The following GRAMD2B variants were observed in gnomAD, a reference collection of about 807,000 sequenced individuals.
GRAMD2B encodes the protein GRAM domain containing 2B.
GRAMD2B carries 41 observed loss-of-function variants against 59.2 expected under a neutral mutation model. That is an observed-to-expected ratio of 0.69 (90% CI 0.54 to 0.90). The LOEUF is 0.90. Among genes scored for constraint, GRAMD2B ranks in the 40% least tolerant of loss-of-function variants. GRAMD2B has a pLI of 0.00. For synonymous variants in GRAMD2B, 161 were observed against 182.7 expected, an observed-to-expected ratio of 0.88 and a Z score of 0.96; for missense variants, 424 against 500.5, an observed-to-expected ratio of 0.85 and a Z score of 1.46.
Position 126,493,265 on chromosome 5 carries a change from G to C in GRAMD2B, c.*309G>C. 1 of 334,150 alleles carries C rather than the reference G, an allele frequency of 3.0e-6. No individual in the cohort carries two copies. Among genetic ancestry groups the C allele is most frequent in the Non-Finnish European group, 5.6e-6 (1 of 179,240 alleles). 20.7% of individuals were successfully genotyped at this position (334,150 alleles called of 1,614,324 possible). A position where few individuals can be genotyped will look rare whatever the true frequency, so the allele number is the denominator to read the frequency against. ...TCTCTTGGATAATTACCACGATGGC[G>C]TCAGCAAACACTCCACCCTGTGCCT... On this transcript the variant is annotated 3_prime_UTR_variant, in exon 14 of 14. Transcript: ENST00000285689.
upstream of GRAMD2B, among the ~76,000 whole-genome samples, chr5:126,367,153 G>A (rs1449800467): frequency 6.7e-6 from 1 of 150,270 alleles, no homozygotes; most frequent in African/African-American, 2.5e-5. Flanking sequence ...CACCACACCC[G>A]GCCCAGACCA....
intron 1 of GRAMD2B, among the ~76,000 whole-genome samples, chr5:126,392,496 G>C (rs1287381237): frequency 2.6e-5 from 4 of 152,056 alleles, no homozygotes; most frequent in African/African-American, 9.7e-5. Flanking sequence ...TGTATTGGAG[G>C]CTGGTCACAC....
Position 126,423,489 on chromosome 5 carries a change from TGCAGGGGAGG to T in GRAMD2B, c.-114_-105del. On this transcript the variant is annotated 5_prime_UTR_variant, in exon 1 of 14. The change creates a premature stop within an existing upstream ORF in the 5' untranslated region. Coordinates refer to ENST00000285689, the MANE Select transcript of GRAMD2B (RefSeq NM_023927.4). Reference sequence around the variant, plus strand: ...CGGCCTGGATGCGCTGGGCGGAGGGTGCAGGGGAGGGCACGGCGCCGCTTGCTTGGCCTGC... The same window carrying T: ...CGGCCTGGATGCGCTGGGCGGAGGGTGCACGGCGCCGCTTGCTTGGCCTGC... The T allele has an allele frequency of 6.6e-7, 1 of 1,519,170 alleles. No homozygotes were observed. The highest frequency in any genetic ancestry group is 8.8e-7 in the Non-Finnish European group (1 of 1,136,502). The allele number at this position is 1,519,170 out of a possible 1,614,324, so 94.1% of individuals were successfully genotyped here.
intron 1 of GRAMD2B, among the ~76,000 whole-genome samples, chr5:126,376,942 G>A (rs1448048645): frequency 6.6e-6 from 1 of 151,848 alleles, no homozygotes; most frequent in Non-Finnish European, 1.5e-5. Flanking sequence ...CATGGCTATG[G>A]AAGTTAAAAT....
In GRAMD2B at chr5:126,481,221, A is replaced by G. The variant is rs917956942; in HGVS notation, c.735+514A>G. 6.2e-4 allele frequency among the ~76,000 whole-genome samples: 22 copies of G among 35,352 alleles called. 1 individual carries two copies. Among genetic ancestry groups the G allele is most frequent in the African/African-American group, 8.7e-4 (5 of 5,748 alleles). The allele number at this position is 35,352 out of a possible 152,430, so 23.2% of individuals were successfully genotyped here. On this transcript the variant is annotated intron_variant, in intron 8 of 13. Coordinates refer to ENST00000285689, the MANE Select transcript of GRAMD2B (RefSeq NM_023927.4). ...AAAAAAAAAAAGAAAGAAAGAAAGA[A>G]AGAAAGAAAGAAAGAAAGAAAGAAA...
chr5:126,409,139 G>A (rs1003244123), intron 1 of GRAMD2B, among the ~76,000 whole-genome samples: 169 of 151,892 alleles, frequency 1.1e-3, no homozygotes, highest in African/African-American at 3.8e-3. Context: ...GAATAGTGCC[G>A]CAATAAACAC....
At chr5:126,394,857 G>GT (rs1363523699) in intron 1 of GRAMD2B, among the ~76,000 whole-genome samples, 17 of 152,120 alleles carry the variant, frequency 1.1e-4, no homozygotes, top group Non-Finnish European at 2.1e-4. Context: ...CCATAAATAT[G>GT]TTTTTTTTCT....
intron 1 of GRAMD2B, among the ~76,000 whole-genome samples, chr5:126,441,720 ATAGT>A (rs1427161853): frequency 1.3e-5 from 2 of 152,188 alleles, no homozygotes; most frequent in Admixed American, 6.5e-5. Context: ...AACAGATAAT[ATAGT>A]TTTAATTCTA....
At chr5:126,376,653 A>G (rs1755214868) in intron 1 of GRAMD2B, among the ~76,000 whole-genome samples, 1 of 152,212 alleles carries the variant, frequency 6.6e-6, no homozygotes, top group East Asian at 1.9e-4. Flanking sequence ...GCGCCTGTTC[A>G]CAAGACTGCT....
At chr5:126,431,107 C>A (rs1761498677) in intron 1 of GRAMD2B, among the ~76,000 whole-genome samples, 1 of 152,152 alleles carries the variant, frequency 6.6e-6, no homozygotes, top group Non-Finnish European at 1.5e-5. Context: ...GTTAACACTT[C>A]CCAACGTTTT....
At chr5:126,397,654 T>G (rs1757474526) in intron 1 of GRAMD2B, among the ~76,000 whole-genome samples, 1 of 152,230 alleles carries the variant, frequency 6.6e-6, no homozygotes, top group Non-Finnish European at 1.5e-5. Flanking sequence ...TTCTTTCATT[T>G]TGTTAATGTG....
intron 13 of GRAMD2B, among the ~76,000 whole-genome samples, chr5:126,491,173 G>A (rs768103099): frequency 1.1e-4 from 16 of 152,118 alleles, no homozygotes; most frequent in Non-Finnish European, 2.2e-4. Context: ...TTTTGTGTGT[G>A]TGTCATCGTA....
At chr5:126,402,317 G>A (rs1305071340) in intron 1 of GRAMD2B, among the ~76,000 whole-genome samples, 1 of 152,076 alleles carries the variant, frequency 6.6e-6, no homozygotes, top group Admixed American at 6.6e-5. Flanking sequence ...AATGCAGAAA[G>A]CCTGGCTTAC....
chr5:126,465,109 CCCAGCCT>C, intron 1 of GRAMD2B: 2 of 1,193,460 alleles, frequency 1.7e-6, no homozygotes, highest in South Asian at 4.8e-5. Flanking sequence ...GCAGGGCGCT[CCCAGCCT>C]CCAGGTGATC....
chr5:126,417,780 C>A (rs944466185), intron 1 of GRAMD2B, among the ~76,000 whole-genome samples: 1 of 152,210 alleles, frequency 6.6e-6, no homozygotes, highest in Non-Finnish European at 1.5e-5. Flanking sequence ...CTCCAACACA[C>A]TCTCCTACAA....
intron 8 of GRAMD2B, among the ~76,000 whole-genome samples, chr5:126,482,552 A>G (rs1456189903): frequency 6.6e-6 from 1 of 152,214 alleles, no homozygotes; most frequent in African/African-American, 2.4e-5. Context: ...ATTAAATGCA[A>G]TCATGTATGT....
At chr5:126,416,167 T>G (rs1376917140) in intron 1 of GRAMD2B, among the ~76,000 whole-genome samples, 1 of 152,180 alleles carries the variant, frequency 6.6e-6, no homozygotes, top group East Asian at 1.9e-4. Context: ...AAACAGTGAT[T>G]CTTGGACTTG....
intron 1 of GRAMD2B, among the ~76,000 whole-genome samples, chr5:126,444,625 C>A (rs1763891880): frequency 6.6e-6 from 1 of 152,126 alleles, no homozygotes; most frequent in Non-Finnish European, 1.5e-5. Flanking sequence ...TGTTACAAAC[C>A]TTGTAAAGTC....
At chr5:126,366,159 C>T (rs1236660893) in intron 1 of GRAMD2B, among the ~76,000 whole-genome samples, 1 of 152,124 alleles carries the variant, frequency 6.6e-6, no homozygotes, top group Non-Finnish European at 1.5e-5. Context: ...AGAAATCAAC[C>T]CCCTCCCCTC....
Sources: gnomAD v4.1 joint callset for allele counts (sites outside exome capture counted in the v4.1 genomes callset) on GRCh38, gnomAD v4.1.1 for gene constraint, MANE v1.5 for transcripts, NCBI Gene and HGNC (gene_info 2026-07-23, HGNC 2026-07-21) for gene names.